The following SOX5 variants were observed in gnomAD, a reference collection of about 807,000 sequenced individuals.
The protein encoded by SOX5 is transcription factor SOX-5.
Under a neutral mutation model 92.0 loss-of-function variants are expected in SOX5, and 9 were observed. The observed-to-expected ratio is 0.10, with a 90% CI of 0.06 to 0.17. The LOEUF (loss-of-function observed/expected upper bound fraction) is 0.17, where lower values mean the gene tolerates loss of function less well. SOX5 is among the 10% of genes least tolerant of loss of function. The pLI, the probability that SOX5 is intolerant of heterozygous loss-of-function variation, is 1.00. For missense variants in SOX5, 642 were observed against 944.5 expected (o/e 0.68, Z 4.20); for synonymous variants, 344 against 336.3 (o/e 1.02, Z -0.25).
intron 7 of SOX5, among the ~76,000 whole-genome samples, chr12:23,651,378 A>C (rs889915920): frequency 1.1e-4 from 17 of 152,032 alleles, no homozygotes; most frequent in Non-Finnish European, 1.3e-4. Flanking sequence ...CTATTTTAAT[A>C]AGGAAAACAT....
chr12:24,348,094 C>G (rs957566523), intron 2 of SOX5, among the ~76,000 whole-genome samples: 1 of 147,198 alleles, frequency 6.8e-6, no homozygotes, highest in Admixed American at 6.8e-5. Flanking sequence ...AGTTAACACA[C>G]CACTTCTGAA....
At chr12:24,149,324 G>A (rs12833215) in intron 4 of SOX5, among the ~76,000 whole-genome samples, 5,266 of 151,940 alleles carry the variant, frequency 0.035, 104 homozygotes, top group South Asian at 0.071. Flanking sequence ...CTTATAATCC[G>A]AAAATATATA....
At chr12:23,626,098 G>A (rs1360953881) in intron 8 of SOX5, among the ~76,000 whole-genome samples, 3 of 149,966 alleles carry the variant, frequency 2.0e-5, no homozygotes, top group African/African-American at 4.8e-5. Context: ...AAGAAAAAAG[G>A]AAAGAGAAAA....
intron 2 of SOX5, among the ~76,000 whole-genome samples, chr12:23,877,011 G>A (rs2096934780): frequency 6.6e-6 from 1 of 152,164 alleles, no homozygotes; most frequent in East Asian, 1.9e-4. Context: ...GGGGCAAGGG[G>A]AGGGACAGCA....
intron 6 of SOX5, among the ~76,000 whole-genome samples, chr12:23,688,491 A>G (rs1298418348): frequency 6.6e-6 from 1 of 152,096 alleles, no homozygotes; most frequent in Non-Finnish European, 1.5e-5. Flanking sequence ...GCATAGCAAT[A>G]ATAAAAATTA....
chr12:23,974,123 C>A (rs1269604355), intron 4 of SOX5, among the ~76,000 whole-genome samples: 2 of 152,126 alleles, frequency 1.3e-5, no homozygotes, highest in East Asian at 3.9e-4. Context: ...AAAATTAGAA[C>A]AATGTACTAC....
intron 4 of SOX5, among the ~76,000 whole-genome samples, chr12:24,084,790 T>A (rs1943768628): frequency 6.6e-6 from 1 of 152,116 alleles, no homozygotes; most frequent in South Asian, 2.1e-4. Context: ...TTAATAGTTG[T>A]TCTGTTATGC....
At chr12:23,846,533 A>G (rs2096577211) in intron 2 of SOX5, among the ~76,000 whole-genome samples, 1 of 152,180 alleles carries the variant, frequency 6.6e-6, no homozygotes, top group Admixed American at 6.5e-5. Context: ...CGAAGCCTAT[A>G]TTATTAGATT....
intron 4 of SOX5, among the ~76,000 whole-genome samples, chr12:24,200,595 T>C (rs1957423610): frequency 6.6e-6 from 1 of 152,116 alleles, no homozygotes; most frequent in African/African-American, 2.4e-5. Context: ...TTGGCAAATG[T>C]CAAAGCTATA....
intron 13 of SOX5, among the ~76,000 whole-genome samples, chr12:23,542,473 G>A (rs893947255): frequency 5.3e-5 from 8 of 152,066 alleles, no homozygotes; most frequent in African/African-American, 1.9e-4. Flanking sequence ...ACCTGAACTG[G>A]TCTATAATAG....
intron 13 of SOX5, among the ~76,000 whole-genome samples, chr12:23,539,346 G>C (rs1941390153): frequency 6.6e-6 from 1 of 152,112 alleles, no homozygotes; most frequent in African/African-American, 2.4e-5. Flanking sequence ...TCTCTTTGCA[G>C]CTTATATTCA....
chr12:24,044,774 T>C (rs2137037767), intron 4 of SOX5, among the ~76,000 whole-genome samples: 1 of 152,308 alleles, frequency 6.6e-6, no homozygotes, highest in South Asian at 2.1e-4. Flanking sequence ...AAGGCTATTC[T>C]ATTATCCATC....
At chr12:23,852,096 G>T (rs1029147197) in intron 2 of SOX5, among the ~76,000 whole-genome samples, 1 of 151,962 alleles carries the variant, frequency 6.6e-6, no homozygotes, top group Non-Finnish European at 1.5e-5. Context: ...CTGAAAATTA[G>T]TATTTTGAAT....
rs531237217 is a variant in SOX5, at chr12:23,666,741, G to C, written c.811-1177C>G. Among the ~76,000 whole-genome samples, 4 of 152,244 alleles carry C rather than the reference G, an allele frequency of 2.6e-5. No individual in the cohort carries two copies. In the East Asian group the frequency reaches 7.7e-4, roughly 29 times the overall value. On this transcript the variant is annotated intron_variant, in intron 6 of 14. Coordinates refer to ENST00000451604, the MANE Select transcript of SOX5 (RefSeq NM_006940.6). ...GCAGTAGAGATGCAATAGTGAACAA[G>C]AAAACTAAAATCCCACATCTATGAA...
chr12:24,054,348 T>C (rs1339109331), intron 4 of SOX5, among the ~76,000 whole-genome samples: 1 of 152,196 alleles, frequency 6.6e-6, no homozygotes, highest in Non-Finnish European at 1.5e-5. Context: ...TGCTGGACTA[T>C]TTTCTACTTA....
chr12:23,943,999 C>G (rs896882792), intron 1 of SOX5, among the ~76,000 whole-genome samples: 1 of 152,034 alleles, frequency 6.6e-6, no homozygotes, highest in Non-Finnish European at 1.5e-5. Flanking sequence ...TCAGTGGTTC[C>G]AAACTGGCAG....
chr12:23,721,893 C>T (rs74539971), intron 6 of SOX5, among the ~76,000 whole-genome samples: 4,100 of 152,170 alleles, frequency 0.027, 67 homozygotes, highest in Middle Eastern at 0.041. Flanking sequence ...AATTTAAAAA[C>T]GAGGATATAT....
chr12:23,813,798 T>C (rs911148765), intron 3 of SOX5, among the ~76,000 whole-genome samples: 1 of 152,152 alleles, frequency 6.6e-6, no homozygotes, highest in African/African-American at 2.4e-5. Context: ...AATAATCTCT[T>C]TAAATATTAT....
intron 3 of SOX5, among the ~76,000 whole-genome samples, chr12:23,838,315 A>G (rs1482692647): frequency 6.6e-6 from 1 of 150,926 alleles, no homozygotes; most frequent in Admixed American, 6.7e-5. Context: ...GATTAAGATC[A>G]TTGCCTTACT....
Sources: allele counts gnomAD v4.1 joint callset (sites outside exome capture counted in the v4.1 genomes callset), GRCh38; gene constraint gnomAD v4.1.1; transcripts MANE v1.5; gene names NCBI Gene and HGNC (gene_info 2026-07-23, HGNC 2026-07-21).